The following NRXN1 variants were observed in gnomAD, a reference collection of about 807,000 sequenced individuals.
NRXN1 encodes the protein neurexin 1, also known as neurexin-1.
A neutral mutation model predicts 150.9 loss-of-function variants in NRXN1; 39 were observed. The observed-to-expected ratio is 0.26, with a 90% CI of 0.20 to 0.34. The LOEUF (loss-of-function observed/expected upper bound fraction) is 0.34, where lower values mean the gene tolerates loss of function less well. Among genes scored for constraint, NRXN1 ranks in the 10% least tolerant of loss-of-function variants. NRXN1 has a pLI of 1.00. For synonymous variants in NRXN1, 924 were observed against 757.0 expected (o/e 1.22, Z -3.62); for missense variants, 1,815 against 1,949.9 (o/e 0.93, Z 1.30).
chr2:49,942,694 C>G (rs1672211763), intron 22 of NRXN1, among the ~76,000 whole-genome samples: 1 of 152,084 alleles, frequency 6.6e-6, no homozygotes, highest in African/African-American at 2.4e-5. Context: ...ACTGCAACCT[C>G]TGCCTCCAAG....
At chr2:50,524,632 G>A (rs921746104) in intron 12 of NRXN1, among the ~76,000 whole-genome samples, 2 of 151,942 alleles carry the variant, frequency 1.3e-5, no homozygotes, top group African/African-American at 4.8e-5. Flanking sequence ...AGAAAACCAA[G>A]AAACACAAAA....
chr2:50,308,372 C>G (rs1416721597), intron 17 of NRXN1, among the ~76,000 whole-genome samples: 2 of 151,874 alleles, frequency 1.3e-5, no homozygotes, highest in Non-Finnish European at 1.5e-5. Flanking sequence ...CTCTTTTGCC[C>G]AGGCTGGAGT....
chr2:50,363,614 G>GA (rs1183615037), intron 17 of NRXN1, among the ~76,000 whole-genome samples: 5 of 152,280 alleles, frequency 3.3e-5, no homozygotes, highest in Middle Eastern at 3.4e-3. Flanking sequence ...AGGATGTGGA[G>GA]AAAAAGGAAA....
intron 21 of NRXN1, among the ~76,000 whole-genome samples, chr2:50,029,941 G>T (rs549462868): frequency 1.4e-4 from 22 of 152,216 alleles, no homozygotes; most frequent in Admixed American, 7.2e-4. Context: ...TAAAATGCCA[G>T]CTCCATGCCA....
chr2:50,211,438 T>C (rs1049160336), intron 18 of NRXN1, among the ~76,000 whole-genome samples: 3 of 151,632 alleles, frequency 2.0e-5, no homozygotes, highest in Non-Finnish European at 4.4e-5. Flanking sequence ...CCCTAAAAGA[T>C]GATTAAATTC....
intron 5 of NRXN1, among the ~76,000 whole-genome samples, chr2:50,799,510 G>A (rs1028054636): frequency 6.6e-6 from 1 of 152,140 alleles, no homozygotes; most frequent in Non-Finnish European, 1.5e-5. Flanking sequence ...AATTACAGTT[G>A]TTCAGCTTAG....
intron 2 of NRXN1, among the ~76,000 whole-genome samples, chr2:50,965,036 A>T (rs1693830088): frequency 6.6e-6 from 1 of 151,468 alleles, no homozygotes; most frequent in South Asian, 2.1e-4. Context: ...TCATTAAACA[A>T]ATGAGATAAG....
At chr2:50,158,125 G>A (rs903817067) in intron 18 of NRXN1, among the ~76,000 whole-genome samples, 1 of 148,212 alleles carries the variant, frequency 6.7e-6, no homozygotes, top group African/African-American at 2.5e-5. Context: ...AGTCAAATTA[G>A]AGGAAGGAAT....
intron 2 of NRXN1, among the ~76,000 whole-genome samples, chr2:51,022,652 T>C (rs1329229877): frequency 6.6e-6 from 1 of 152,182 alleles, no homozygotes; most frequent in Non-Finnish European, 1.5e-5. Flanking sequence ...CACCTTTTCC[T>C]ACAATGGCAG....
chr2:49,982,783 T>C (rs1173619165), intron 21 of NRXN1, among the ~76,000 whole-genome samples: 1 of 152,164 alleles, frequency 6.6e-6, no homozygotes, highest in Admixed American at 6.5e-5. Flanking sequence ...CATTTCTGCT[T>C]TGTAAATAAC....
At chr2:50,875,889 T>C (rs1306389071) in intron 5 of NRXN1, among the ~76,000 whole-genome samples, 2 of 151,798 alleles carry the variant, frequency 1.3e-5, no homozygotes, top group Non-Finnish European at 2.9e-5. Context: ...AGACAGTACA[T>C]TCCCTCACCC....
chr2:50,984,807 G>A (rs542250722), intron 2 of NRXN1, among the ~76,000 whole-genome samples: 2 of 151,984 alleles, frequency 1.3e-5, no homozygotes, highest in Non-Finnish European at 1.5e-5. Flanking sequence ...CAGTGACAAA[G>A]GGAATGTGAA....
At chr2:50,332,562 T>C (rs1318110567) in intron 17 of NRXN1, among the ~76,000 whole-genome samples, 3 of 152,238 alleles carry the variant, frequency 2.0e-5, no homozygotes, top group African/African-American at 7.2e-5. Flanking sequence ...CTAGGCATCA[T>C]TCTTCATACT....
intron 5 of NRXN1, among the ~76,000 whole-genome samples, chr2:50,834,508 A>C (rs1671834953): frequency 6.6e-6 from 1 of 152,106 alleles, no homozygotes; most frequent in South Asian, 2.1e-4. Context: ...ACTTTTTTGG[A>C]AAGTTACCCT....
At chr2:50,261,399 A>T (rs1320230089) in intron 17 of NRXN1, among the ~76,000 whole-genome samples, 7 of 151,854 alleles carry the variant, frequency 4.6e-5, no homozygotes, top group Admixed American at 3.9e-4. Flanking sequence ...GAAAGGTGAC[A>T]CAATGAAAGC....
At chr2:50,299,090 A>T (rs1463002910) in intron 17 of NRXN1, among the ~76,000 whole-genome samples, 1 of 152,126 alleles carries the variant, frequency 6.6e-6, no homozygotes, top group Non-Finnish European at 1.5e-5. Flanking sequence ...CTACATAATC[A>T]TGTAGACCCT....
intron 18 of NRXN1, among the ~76,000 whole-genome samples, chr2:50,177,097 A>C (rs778401417): frequency 1.3e-5 from 2 of 152,196 alleles, no homozygotes; most frequent in Non-Finnish European, 2.9e-5. Flanking sequence ...AATTTACTTG[A>C]AAGTTAGAGT....
intron 5 of NRXN1, among the ~76,000 whole-genome samples, chr2:50,854,473 G>A (rs1185594318): frequency 3.3e-5 from 5 of 152,076 alleles, no homozygotes; most frequent in African/African-American, 1.2e-4. Flanking sequence ...AGTACATTCC[G>A]TAGAGTACAT....
chr2:50,168,313 C>T (rs111382626), intron 18 of NRXN1, among the ~76,000 whole-genome samples: 1 of 152,278 alleles, frequency 6.6e-6, no homozygotes, highest in Non-Finnish European at 1.5e-5. Flanking sequence ...AATTTACCTA[C>T]ATTTTACACT....
Sources: allele counts gnomAD v4.1 joint callset (sites outside exome capture counted in the v4.1 genomes callset), GRCh38; gene constraint gnomAD v4.1.1; transcripts MANE v1.5; gene names NCBI Gene and HGNC (gene_info 2026-07-23, HGNC 2026-07-21).